The following SLC4A4 variants were observed in gnomAD, a reference collection of about 807,000 sequenced individuals.
SLC4A4 encodes electrogenic sodium bicarbonate cotransporter 1.
SLC4A4 carries 27 observed loss-of-function variants against 111.5 expected under a neutral mutation model. The ratio of observed to expected loss-of-function variants is 0.24; its 90% CI spans 0.18 to 0.33. The LOEUF (loss-of-function observed/expected upper bound fraction) is 0.33. SLC4A4 is among the 10% of genes least tolerant of loss of function. The pLI is 1.00. For synonymous variants in SLC4A4, 443 were observed against 463.4 expected, an observed-to-expected ratio of 0.96 and a Z score of 0.57; for missense variants, 909 against 1,315.5, an observed-to-expected ratio of 0.69 and a Z score of 4.78.
intron 3 of SLC4A4, among the ~76,000 whole-genome samples, chr4:71,303,621 T>A (rs969076064): frequency 1.2e-4 from 18 of 152,194 alleles, no homozygotes; most frequent in Admixed American, 2.6e-4. Context: ...AACATTGTAA[T>A]TCAGGATCAA....
At chr4:71,114,437 C>T (rs1743192086) in intron 2 of SLC4A4, among the ~76,000 whole-genome samples, 1 of 149,982 alleles carries the variant, frequency 6.7e-6, no homozygotes, top group South Asian at 2.1e-4. Context: ...ACCTACTCAT[C>T]TGACAAAGGG....
intron 3 of SLC4A4, among the ~76,000 whole-genome samples, chr4:71,318,668 G>A (rs1726884344): frequency 6.6e-6 from 1 of 151,922 alleles, no homozygotes; most frequent in South Asian, 2.1e-4. Flanking sequence ...AGTAGGATTA[G>A]GTGAATATAA....
At chr4:71,304,651 A>C (rs1725542313) in intron 3 of SLC4A4, among the ~76,000 whole-genome samples, 1 of 152,246 alleles carries the variant, frequency 6.6e-6, no homozygotes, top group Non-Finnish European at 1.5e-5. Context: ...CTGTTATAAA[A>C]GGAACTATAC....
intron 2 of SLC4A4, among the ~76,000 whole-genome samples, chr4:71,249,820 G>A (rs1306916572): frequency 6.6e-6 from 1 of 151,766 alleles, no homozygotes. Flanking sequence ...GGAGGCAGAG[G>A]CTGCAGTGAG....
At chr4:71,247,747 G>A (rs1210057569) in intron 2 of SLC4A4, among the ~76,000 whole-genome samples, 1 of 152,154 alleles carries the variant, frequency 6.6e-6, no homozygotes, top group East Asian at 1.9e-4. Context: ...CTGACAGCAT[G>A]TGTACTGCAT....
chr4:71,355,077 G>A (rs1730168614), intron 5 of SLC4A4, among the ~76,000 whole-genome samples: 1 of 152,112 alleles, frequency 6.6e-6, no homozygotes, highest in East Asian at 1.9e-4. Flanking sequence ...CTTAATGAAG[G>A]GCATAAAGCC....
chr4:71,339,595 A>G (rs2086206862), intron 4 of SLC4A4, 90 bp downstream of exon 4: 1 of 1,297,526 alleles, frequency 7.7e-7, no homozygotes, highest in Admixed American at 1.8e-5. Flanking sequence ...CTTTAGCCTT[A>G]GCACTTTGAA....
At chr4:71,334,585 C>G (rs1424887662) in intron 3 of SLC4A4, among the ~76,000 whole-genome samples, 1 of 152,106 alleles carries the variant, frequency 6.6e-6, no homozygotes, top group Non-Finnish European at 1.5e-5. Context: ...GTAGAAACTT[C>G]CAGGAGTTGC....
intron 16 of SLC4A4, among the ~76,000 whole-genome samples, chr4:71,504,472 C>CT (rs1459570243): frequency 5.3e-5 from 8 of 151,412 alleles, no homozygotes; most frequent in Non-Finnish European, 1.0e-4. Flanking sequence ...CTGTTTGATT[C>CT]TTTTTTATGA....
intron 7 of SLC4A4, among the ~76,000 whole-genome samples, chr4:71,440,273 T>C (rs1724596549): frequency 6.6e-6 from 1 of 152,186 alleles, no homozygotes; most frequent in Non-Finnish European, 1.5e-5. Context: ...CTAAGGCTTA[T>C]AGTATTGCCT....
intron 6 of SLC4A4, among the ~76,000 whole-genome samples, chr4:71,359,316 T>C (rs1344815450): frequency 1.3e-5 from 2 of 152,228 alleles, no homozygotes; most frequent in African/African-American, 2.4e-5. Context: ...TGCAGTTCTT[T>C]TCCAGCTCTT....
chr4:71,426,619 C>T (rs146772643), intron 7 of SLC4A4, among the ~76,000 whole-genome samples: 69 of 152,284 alleles, frequency 4.5e-4, no homozygotes, highest in African/African-American at 1.6e-3. Context: ...AAACCTATTT[C>T]AAAACTGTCC....
intron 6 of SLC4A4, among the ~76,000 whole-genome samples, chr4:71,368,490 T>C (rs1442939535): frequency 6.6e-6 from 1 of 152,238 alleles, no homozygotes; most frequent in African/African-American, 2.4e-5. Flanking sequence ...CAGCTCTATA[T>C]TCATCAAGGA....
intron 18 of SLC4A4, among the ~76,000 whole-genome samples, chr4:71,537,450 T>G (rs72651804): frequency 0.027 from 3,928 of 147,348 alleles, 183 homozygotes; most frequent in African/African-American, 0.092. Flanking sequence ...TGTGTATATA[T>G]AGAGAGAGAG....
At chr4:71,270,148 C>T (rs144501728) in intron 3 of SLC4A4, among the ~76,000 whole-genome samples, 59 of 152,298 alleles carry the variant, frequency 3.9e-4, no homozygotes, top group African/African-American at 1.2e-3. Context: ...AGTGCAATGG[C>T]GCAATCTCGG....
intron 2 of SLC4A4, among the ~76,000 whole-genome samples, chr4:71,146,220 A>C (rs1427505750): frequency 6.6e-6 from 1 of 152,224 alleles, no homozygotes; most frequent in African/African-American, 2.4e-5. Flanking sequence ...GTAGTCATTC[A>C]GGAGCAGGTT....
At position 71,330,526 on chromosome 4, in the gene SLC4A4, G is replaced by A. The variant is rs529572172; in HGVS notation, c.254-8844G>A. ...CAAATGGTGCTGGGAAAATTGGCTAGCCATATGTAGAAAGCTGAAACTGGA... is the reference window on the plus strand; with the variant it reads ...CAAATGGTGCTGGGAAAATTGGCTAACCATATGTAGAAAGCTGAAACTGGA... On this transcript the variant is annotated intron_variant, in intron 3 of 25. Transcript: ENST00000264485. Among the ~76,000 whole-genome samples the A allele has an allele frequency of 8.5e-5, 13 of 152,274 alleles. No homozygotes were observed. The South Asian group carries it at 1.5e-3, about 17-fold the overall frequency.
At chr4:71,205,249 C>T (rs1717678620) in intron 1 of SLC4A4, among the ~76,000 whole-genome samples, 1 of 152,206 alleles carries the variant, frequency 6.6e-6, no homozygotes, top group Non-Finnish European at 1.5e-5. Flanking sequence ...CAGGACCTTA[C>T]TTTGAGAGCA....
At chr4:71,122,165 T>G (rs911610980) in intron 2 of SLC4A4, among the ~76,000 whole-genome samples, 1 of 151,892 alleles carries the variant, frequency 6.6e-6, no homozygotes. Context: ...TTGAAGTCAG[T>G]GAGACCAAGA....
Sources: gnomAD v4.1 joint callset for allele counts (sites outside exome capture counted in the v4.1 genomes callset) on GRCh38, gnomAD v4.1.1 for gene constraint, MANE v1.5 for transcripts, NCBI Gene and HGNC (gene_info 2026-07-23, HGNC 2026-07-21) for gene names.